The following NAV2 variants were observed in gnomAD, a reference collection of about 807,000 sequenced individuals.
NAV2 encodes the protein helicase, APC down-regulated 1.
In NAV2, 54 loss-of-function variants were observed where a neutral mutation model predicts 223.2. The observed-to-expected ratio is 0.24, with a 90% confidence interval of 0.19 to 0.30. The LOEUF is 0.30. Among genes scored for constraint, NAV2 ranks in the 10% least tolerant of loss-of-function variants. The pLI is 1.00. For missense variants in NAV2, 2,806 were observed against 3,147.5 expected (o/e 0.89, Z 2.60); for synonymous variants, 1,279 against 1,239.3 (o/e 1.03, Z -0.67).
intron 11 of NAV2, among the ~76,000 whole-genome samples, chr11:19,986,356 A>T (rs2050795222): frequency 6.6e-6 from 1 of 152,220 alleles, no homozygotes; most frequent in Non-Finnish European, 1.5e-5. Flanking sequence ...ATGGTGGCTC[A>T]CGCCTGTAAT....
intron 26 of NAV2, among the ~76,000 whole-genome samples, chr11:20,086,114 G>T (rs138803902): frequency 2.0e-5 from 3 of 152,228 alleles, no homozygotes; most frequent in African/African-American, 7.2e-5. Flanking sequence ...CATAGTCAGG[G>T]CCTAGAACAC....
chr11:19,732,339 T>A (rs575695967), intron 1 of NAV2, among the ~76,000 whole-genome samples: 1 of 152,136 alleles, frequency 6.6e-6, no homozygotes, highest in South Asian at 2.1e-4. Context: ...TGACCTCAAG[T>A]AAGTACCTAA....
intron 6 of NAV2, among the ~76,000 whole-genome samples, chr11:19,931,096 T>C (rs2153261572): frequency 6.6e-6 from 1 of 152,334 alleles, no homozygotes; most frequent in Admixed American, 6.5e-5. Context: ...TAAGTCTCAG[T>C]TTCCTCACTC....
chr11:19,400,630 G>A (rs964855876), intron 1 of NAV2, among the ~76,000 whole-genome samples: 5 of 152,154 alleles, frequency 3.3e-5, no homozygotes, highest in South Asian at 2.1e-4. Flanking sequence ...CTCTTAACTC[G>A]CATGTCATTA....
At chr11:20,097,042 C>A (rs1218213139) in intron 30 of NAV2, among the ~76,000 whole-genome samples, 1 of 152,196 alleles carries the variant, frequency 6.6e-6, no homozygotes, top group African/African-American at 2.4e-5. Context: ...ATTTACTAAC[C>A]TAAAACCTTT....
At chr11:19,588,886 C>T (rs1043696543) in intron 1 of NAV2, among the ~76,000 whole-genome samples, 2 of 152,192 alleles carry the variant, frequency 1.3e-5, no homozygotes, top group Non-Finnish European at 1.5e-5. Flanking sequence ...GCTGTCCTTG[C>T]CCATGTTTCT....
Position 19,934,086 on chromosome 11 carries a change from C to T in NAV2, c.1842C>T (p.Ser614=), listed in dbSNP as rs1431110318. The part of the protein sequence containing the change: ...QLDGRHSSSS[S]SLASSEGKGP... The stretch of plus-strand genomic sequence containing the variant: ...ACGGCAGACACTCCAGTTCCTCTTC[C>T]AGCCTGGCGTCCTCAGAAGGAAAAG... The change falls in exon 7 of 38, where the codon TCC becomes TCT. Residue 614 remains serine (S), a synonymous_variant. Transcript: ENST00000349880. 1.2e-6 allele frequency: 2 copies of T among 1,612,322 alleles called. No individual in the cohort carries two copies. The highest frequency in any genetic ancestry group is 1.7e-6 in the Non-Finnish European group (2 of 1,179,142).
At chr11:19,935,985 G>A (rs1277309271) in intron 7 of NAV2, among the ~76,000 whole-genome samples, 2 of 148,558 alleles carry the variant, frequency 1.3e-5, no homozygotes, top group African/African-American at 2.5e-5. Context: ...AGCCTCTCCT[G>A]AGCAGCTGGG....
chr11:19,430,112 A>G (rs1850987417), intron 1 of NAV2, among the ~76,000 whole-genome samples: 1 of 152,192 alleles, frequency 6.6e-6, no homozygotes, highest in Non-Finnish European at 1.5e-5. Context: ...TTCACTCTTC[A>G]GTTCCACTTC....
At chr11:19,744,553 G>A (rs2053167680) in intron 1 of NAV2, among the ~76,000 whole-genome samples, 1 of 98,228 alleles carries the variant, frequency 1.0e-5, no homozygotes, top group Non-Finnish European at 2.0e-5. Context: ...AATTTAAAAG[G>A]TAATATCTGT....
intron 1 of NAV2, among the ~76,000 whole-genome samples, chr11:19,519,592 A>G (rs1014783851): frequency 2.0e-5 from 3 of 152,142 alleles, no homozygotes; most frequent in African/African-American, 7.2e-5. Context: ...TGAATGAAAG[A>G]AGGAATGACA....
intron 1 of NAV2, among the ~76,000 whole-genome samples, chr11:19,614,085 A>G (rs1278808313): frequency 6.6e-6 from 1 of 152,206 alleles, no homozygotes; most frequent in Non-Finnish European, 1.5e-5. Context: ...TGCTGTACAG[A>G]TAAAGAGGGT....
intron 2 of NAV2, among the ~76,000 whole-genome samples, chr11:19,837,387 A>T (rs1423567338): frequency 1.3e-5 from 2 of 152,252 alleles, no homozygotes; most frequent in Non-Finnish European, 1.5e-5. Flanking sequence ...TAGAGGGGGA[A>T]ATTTGAGGAG....
chr11:19,558,761 G>A (rs1035344687), intron 1 of NAV2, among the ~76,000 whole-genome samples: 26 of 152,300 alleles, frequency 1.7e-4, no homozygotes, highest in Non-Finnish European at 3.1e-4. Flanking sequence ...GGGACAGGCT[G>A]GGGGCTCGGA....
intron 22 of NAV2, among the ~76,000 whole-genome samples, chr11:20,075,913 TTGC>T (rs2059718143): frequency 6.6e-6 from 1 of 152,168 alleles, no homozygotes; most frequent in South Asian, 2.1e-4. Context: ...CTCATCCCTC[TTGC>T]AGCCCACTGT....
chr11:19,429,952 G>T lies in NAV2; in HGVS notation c.75+78925G>T, dbSNP rs552255729. On this transcript the variant is annotated intron_variant, in intron 1 of 37. Transcript: ENST00000360655. Reference sequence around the variant, plus strand: ...AGCTATTAGAAAAAAAGTGGCAGCAGCCTCATCTTGAGTAATTAGAAAGTC... The same window carrying T: ...AGCTATTAGAAAAAAAGTGGCAGCATCCTCATCTTGAGTAATTAGAAAGTC... 1.6e-4 allele frequency among the ~76,000 whole-genome samples: 25 copies of T among 152,290 alleles called. No individual in the cohort carries two copies. The South Asian group carries it at 5.2e-3, about 32-fold the overall frequency.
At chr11:19,783,011 G>A (rs2056851667) in intron 1 of NAV2, among the ~76,000 whole-genome samples, 1 of 152,174 alleles carries the variant, frequency 6.6e-6, no homozygotes, top group Non-Finnish European at 1.5e-5. Context: ...AGTGAGAGAT[G>A]AGCTGTGTGC....
chr11:19,991,705 C>T (rs1437715327), intron 11 of NAV2, among the ~76,000 whole-genome samples: 1 of 152,130 alleles, frequency 6.6e-6, no homozygotes, highest in Non-Finnish European at 1.5e-5. Context: ...CGTGTTTCAT[C>T]CCACATGGTT....
chr11:19,611,905 C>T (rs529151707), intron 1 of NAV2, among the ~76,000 whole-genome samples: 1 of 152,340 alleles, frequency 6.6e-6, no homozygotes, highest in East Asian at 1.9e-4. Context: ...GGGATCCCAC[C>T]CATATTTTCC....
Sources: gnomAD v4.1 joint callset for allele counts (sites outside exome capture counted in the v4.1 genomes callset) on GRCh38, gnomAD v4.1.1 for gene constraint, MANE v1.5 for transcripts, NCBI Gene and HGNC (gene_info 2026-07-23, HGNC 2026-07-21) for gene names.